RPL37A: variants seen among roughly 807,000 people sequenced by gnomAD.
RPL37A encodes the protein ribosomal protein L37a.
In RPL37A, 5 loss-of-function variants were observed where a neutral mutation model predicts 13.6. The ratio of observed to expected loss-of-function variants is 0.37; its 90% confidence interval spans 0.19 to 0.78. The LOEUF is 0.78. Ranked by LOEUF, RPL37A falls within the 30% of genes least tolerant of loss-of-function variation. RPL37A has a pLI of 0.49. For synonymous variants in RPL37A, 50 were observed against 44.4 expected (o/e 1.13, Z -0.50); for missense variants, 77 against 120.0 (o/e 0.64, Z 1.67).
rs370088590 is a variant in RPL37A, at chr2:216,499,401, A to G, written c.132+3A>G. The G allele has an allele frequency of 2.5e-6, 4 of 1,613,882 alleles. No homozygotes were observed. Among genetic ancestry groups the G allele is most frequent in the Non-Finnish European group, 3.4e-6 (4 of 1,179,952 alleles). On this transcript the variant is annotated splice_donor_region_variant and intron_variant, in intron 2 of 3. Transcript: ENST00000491306. ...ACACTTGCTCTTTCTGTGGCAAAGT[A>G]AGTAAGGCAAAGTCTCTGGTGAGAG...
intron 2 of RPL37A, 43 bp from the exon 3 acceptor site, chr2:216,499,906 A>C (rs1695569735): frequency 6.6e-7 from 1 of 1,522,728 alleles, no homozygotes; most frequent in Non-Finnish European, 9.1e-7. Flanking sequence ...TGTAAGAGAA[A>C]ATACTTACTT....
At chr2:216,501,312 T>C in intron 3 of RPL37A, 29 bp from the exon 4 acceptor site, 1 of 1,595,016 alleles carries the variant, frequency 6.3e-7, no homozygotes, top group Non-Finnish European at 8.6e-7. Context: ...CATGCTTAAT[T>C]ATGTTGGAAA....
At chr2:216,501,063 G>A (rs1290904612) in intron 3 of RPL37A, 2 of 251,682 alleles carry the variant, frequency 7.9e-6, no homozygotes, top group Non-Finnish European at 1.5e-5. Flanking sequence ...TCAGATGCAT[G>A]AGATTGTATG....
chr2:216,502,443 A>C lies in RPL37A; in HGVS notation c.*1039A>C, dbSNP rs989391281. ...CAGGAAACAGTATGAAACTAATTTCACATTAAATGTTGCAAACGTCTGCAA... is the reference window on the plus strand; with the variant it reads ...CAGGAAACAGTATGAAACTAATTTCCCATTAAATGTTGCAAACGTCTGCAA... On this transcript the variant is annotated 3_prime_UTR_variant, in exon 4 of 4. Coordinates refer to ENST00000491306, the MANE Select transcript of RPL37A (RefSeq NM_000998.5). 4.6e-5 allele frequency: 7 copies of C among 152,272 alleles called. No individual in the cohort carries two copies. The highest frequency in any genetic ancestry group is 1.7e-4 in the African/African-American group (7 of 41,476). The allele number at this position is 152,272 out of a possible 1,614,324, so 9.4% of individuals were successfully genotyped here.
chr2:216,502,661 C>T lies in RPL37A; in HGVS notation c.*1257C>T, dbSNP rs1249919494. 1 of 152,186 alleles carries T rather than the reference C, an allele frequency of 6.6e-6. No individual in the cohort carries two copies. The highest frequency in any genetic ancestry group is 2.4e-5 in the African/African-American group (1 of 41,440). The allele number at this position is 152,186 out of a possible 1,614,324, so 9.4% of individuals were successfully genotyped here. A position where few individuals can be genotyped will look rare whatever the true frequency, so the allele number is the denominator to read the frequency against. ...CCATCTGTGGTATGGACTTCTCAGT[C>T]CTCCTAATTGGTATGTCTTTTATCT... is the stretch of plus-strand genomic sequence containing the variant. On this transcript the variant is annotated 3_prime_UTR_variant, in exon 4 of 4. Coordinates refer to ENST00000491306, the MANE Select transcript of RPL37A (RefSeq NM_000998.5).
intron 1 of RPL37A, 129 bp downstream of exon 1, chr2:216,499,006 C>T: frequency 7.1e-7 from 1 of 1,406,102 alleles, no homozygotes; most frequent in Non-Finnish European, 9.9e-7. Flanking sequence ...TTGCAGGAGA[C>T]ACCATTGTCG....
intron 3 of RPL37A, 70 bp from the exon 4 acceptor site, chr2:216,501,271 A>G: frequency 1.5e-6 from 2 of 1,324,792 alleles, no homozygotes; most frequent in South Asian, 2.4e-5. Flanking sequence ...AAAACGAGGC[A>G]GATTTACTTA....
chr2:216,499,914 C>G, intron 2 of RPL37A, 35 bp from the exon 3 acceptor site: 1 of 1,549,632 alleles, frequency 6.5e-7, no homozygotes, highest in Non-Finnish European at 8.9e-7. Flanking sequence ...AAAATACTTA[C>G]TTGGTTCATA....
At position 216,503,993 on chromosome 2, in the gene RPL37A, T is replaced by TC. The variant is rs1695639066; in HGVS notation, c.*2589_*2590insC. On this transcript the variant is annotated 3_prime_UTR_variant, in exon 4 of 4. Transcript: ENST00000491306. ...ATTTAAGCAACTTCATCCCCTGGCT[T>TC]GTTTTCACAGTGGTTTTCTGAGCCT... The TC allele has an allele frequency of 2.0e-5, 3 of 152,266 alleles. No individual in the cohort carries two copies. Among genetic ancestry groups the TC allele is most frequent in the Non-Finnish European group, 1.5e-5 (1 of 68,046 alleles). The allele number at this position is 152,266 out of a possible 1,614,324, so 9.4% of individuals were successfully genotyped here.
intron 3 of RPL37A, chr2:216,501,116 C>A: frequency 2.5e-6 from 1 of 402,304 alleles, no homozygotes; most frequent in Non-Finnish European, 4.5e-6. Flanking sequence ...TTAAAGGATG[C>A]CATCATGTAG....
At position 216,502,489 on chromosome 2, in the gene RPL37A, A is replaced by G. The variant is rs1046809965; in HGVS notation, c.*1085A>G. On this transcript the variant is annotated 3_prime_UTR_variant, in exon 4 of 4. Transcript: ENST00000491306. Reference sequence around the variant, plus strand: ...TGCAATTCTCCAGTTTTTAGTTTGCACGTAAGGATTCGTAGGATTGATTTC... The same window carrying G: ...TGCAATTCTCCAGTTTTTAGTTTGCGCGTAAGGATTCGTAGGATTGATTTC... The G allele has an allele frequency of 1.3e-5, 2 of 152,232 alleles. No individual in the cohort carries two copies. The highest frequency in any genetic ancestry group is 2.4e-5 in the African/African-American group (1 of 41,468). The allele number at this position is 152,232 out of a possible 1,614,324, so 9.4% of individuals were successfully genotyped here.
intron 1 of RPL37A, 105 bp downstream of exon 1, chr2:216,498,982 C>T (rs1394047099): frequency 4.1e-5 from 62 of 1,499,410 alleles, no homozygotes; most frequent in Non-Finnish European, 5.5e-5. Context: ...GTGTTCTCTC[C>T]TGTCTCCATG....
chr2:216,499,068 TC>T, intron 1 of RPL37A, 191 bp downstream of exon 1: 1 of 1,143,096 alleles, frequency 8.7e-7, no homozygotes, highest in Non-Finnish European at 1.2e-6. Flanking sequence ...CCTGGCGCGC[TC>T]CAGCCGGGTT....
At chr2:216,499,083 G>C in intron 1 of RPL37A, 187 bp from the exon 2 acceptor site, 3 of 1,137,938 alleles carry the variant, frequency 2.6e-6, no homozygotes, top group Non-Finnish European at 3.7e-6. Context: ...CCGGGTTAAC[G>C]CCGGGCCTTC....
chr2:216,499,511 C>T, intron 2 of RPL37A, 113 bp downstream of exon 2: 1 of 1,234,692 alleles, frequency 8.1e-7, no homozygotes, highest in Non-Finnish European at 1.1e-6. Context: ...GTTGGAATTA[C>T]TCATACCGTT....
chr2:216,498,900 C>G (rs1695546700), intron 1 of RPL37A, 23 bp downstream of exon 1: 4 of 1,613,846 alleles, frequency 2.5e-6, no homozygotes, highest in African/African-American at 1.3e-5. Flanking sequence ...CTCTGTGCGG[C>G]CTAGAACTCT....
At chr2:216,498,915 G>T (rs28365968) in intron 1 of RPL37A, 38 bp downstream of exon 1, 1 of 1,613,426 alleles carries the variant, frequency 6.2e-7, no homozygotes, top group East Asian at 2.2e-5. Context: ...AACTCTATCT[G>T]CCTGCATCTG....
chr2:216,499,499 C>T (rs1341913007), intron 2 of RPL37A, 101 bp downstream of exon 2: 6 of 1,380,950 alleles, frequency 4.3e-6, no homozygotes, highest in Non-Finnish European at 5.9e-6. Context: ...TGCTGGTGGG[C>T]AGTTGGAATT....
At chr2:216,501,160 A>G in intron 3 of RPL37A, 181 bp from the exon 4 acceptor site, 2 of 523,978 alleles carry the variant, frequency 3.8e-6, no homozygotes, top group Middle Eastern at 7.7e-4. Context: ...GAGTAATCTA[A>G]TGTTGGTTAG....
Sources: allele counts gnomAD v4.1 joint callset, GRCh38; gene constraint gnomAD v4.1.1; transcripts MANE v1.5; gene names NCBI Gene and HGNC (gene_info 2026-07-23, HGNC 2026-07-21).